ACACA: variants seen among roughly 807,000 people sequenced by gnomAD.
ACACA encodes acetyl-CoA carboxylase alpha.
In ACACA, 103 loss-of-function variants were observed where a neutral mutation model predicts 296.1. That is an observed-to-expected ratio of 0.35 (90% confidence interval 0.30 to 0.41). The LOEUF is 0.41. Ranked by LOEUF, ACACA falls within the 10% of genes least tolerant of loss-of-function variation. The pLI is 1.00. For missense variants in ACACA, 1,554 were observed against 2,989.7 expected, an observed-to-expected ratio of 0.52 and a Z score of 11.20; for synonymous variants, 953 against 1,038.6, an observed-to-expected ratio of 0.92 and a Z score of 1.58.
chr17:37,315,448 A>G (rs2047045085), intron 3 of ACACA, among the ~76,000 whole-genome samples: 1 of 152,150 alleles, frequency 6.6e-6, no homozygotes. Context: ...TTGAATTCTT[A>G]TATTAATTAC....
chr17:37,262,518 C>T (rs2081562545), intron 11 of ACACA, among the ~76,000 whole-genome samples: 2 of 152,110 alleles, frequency 1.3e-5, no homozygotes, highest in South Asian at 2.1e-4. Flanking sequence ...GCCATATAGC[C>T]TCTGTCACAA....
intron 1 of ACACA, among the ~76,000 whole-genome samples, chr17:37,341,252 T>C (rs1448434474): frequency 6.6e-6 from 1 of 152,204 alleles, no homozygotes; most frequent in Non-Finnish European, 1.5e-5. Flanking sequence ...TAGCAAGTTA[T>C]AACCAATATT....
chr17:37,230,113 G>A (rs767717028), intron 25 of ACACA, among the ~76,000 whole-genome samples: 39 of 151,098 alleles, frequency 2.6e-4, no homozygotes, highest in Non-Finnish European at 4.3e-4. Context: ...GGCCGGGTGC[G>A]GTGGCTCACA....
intron 9 of ACACA, among the ~76,000 whole-genome samples, chr17:37,273,618 G>A (rs1297529688): frequency 6.6e-6 from 1 of 152,024 alleles, no homozygotes; most frequent in Non-Finnish European, 1.5e-5. Context: ...GCTGAATTAA[G>A]CTCTCTCTCT....
At chr17:37,207,506 C>A in intron 31 of ACACA, 151 bp downstream of exon 31, 1 of 877,620 alleles carries the variant, frequency 1.1e-6, no homozygotes, top group Admixed American at 2.1e-5. Flanking sequence ...AGGATATATA[C>A]CTCTCCAACG....
chr17:37,270,390 T>C (rs571738106), intron 10 of ACACA, among the ~76,000 whole-genome samples: 1 of 152,256 alleles, frequency 6.6e-6, no homozygotes, highest in South Asian at 2.1e-4. Flanking sequence ...ACCTACAAAG[T>C]CAGCAGAACA....
intron 1 of ACACA, among the ~76,000 whole-genome samples, chr17:37,368,957 C>A (rs1021444581): frequency 6.6e-6 from 1 of 152,206 alleles, no homozygotes; most frequent in Non-Finnish European, 1.5e-5. Context: ...CCAGCGTCTA[C>A]TTCTGGATTT....
At chr17:37,329,959 C>CA (rs112617527) in intron 3 of ACACA, among the ~76,000 whole-genome samples, 2 of 151,458 alleles carry the variant, frequency 1.3e-5, no homozygotes, top group East Asian at 1.9e-4. Context: ...AAAACAAAAA[C>CA]AAAAAAAACC....
intron 20 of ACACA, 64 bp downstream of exon 20, chr17:37,245,016 C>T: frequency 1.9e-6 from 3 of 1,608,842 alleles, no homozygotes; most frequent in South Asian, 2.2e-5. Flanking sequence ...AAATCACTTG[C>T]CTCTCCAAAC....
intron 33 of ACACA, 100 bp from the exon 34 acceptor site, chr17:37,200,583 TC>T (rs1479322691): frequency 1.8e-6 from 2 of 1,090,280 alleles, no homozygotes; most frequent in African/African-American, 3.1e-5. Context: ...GAGTTAAACA[TC>T]CTTTTTGGAT....
At chr17:37,391,128 C>T (rs2050865066) in intron 1 of ACACA, among the ~76,000 whole-genome samples, 1 of 152,146 alleles carries the variant, frequency 6.6e-6, no homozygotes, top group Non-Finnish European at 1.5e-5. Flanking sequence ...ATCCCAGCTA[C>T]TCAGGAGGCT....
chr17:37,297,043 C>T (rs1408845221), intron 3 of ACACA, among the ~76,000 whole-genome samples: 1 of 151,910 alleles, frequency 6.6e-6, no homozygotes, highest in Non-Finnish European at 1.5e-5. Context: ...GGCAAAGACA[C>T]ATTCAGACAC....
chr17:37,130,141 G>C lies in ACACA; in HGVS notation c.5757C>G (p.His1919Gln), dbSNP rs1225096539. ...IQIMHNNGVT[H>Q]CTVCDDFEGV... ...CTTCAAAGTCATCACACACAGTGCA[G>C]TGGGTCACCCCATTGTTGTGCATAA... Residue 1919 changes from histidine to glutamine, a missense_variant, in exon 46 of 56, where the codon CAC becomes CAG. Physicochemically the swap from His to Gln is conservative, Grantham distance 24. Around this residue, in one of 16 missense-constraint regions of ACACA, gnomAD observed 553 missense variants for 1,043.6 expected, o/e 0.53. Coordinates refer to ENST00000616317, the MANE Select transcript of ACACA (RefSeq NM_198834.3). The C allele has an allele frequency of 1.9e-6, 3 of 1,614,088 alleles. No homozygotes were observed. Among genetic ancestry groups the C allele is most frequent in the Non-Finnish European group, 2.5e-6 (3 of 1,180,048 alleles).
At chr17:37,103,984 G>A (rs943543091) in intron 52 of ACACA, among the ~76,000 whole-genome samples, 4 of 152,156 alleles carry the variant, frequency 2.6e-5, no homozygotes, top group South Asian at 2.1e-4. Flanking sequence ...TTCAAGCTGC[G>A]GTGAACTATG....
At position 37,099,545 on chromosome 17, in the gene ACACA, G is replaced by GGGAGGGCTGAGGGAT. The variant is rs1567657087; in HGVS notation, c.6566-1562_6566-1561insATCCCTCAGCCCTCC. ...GGCTGATGGGAGGAGGGCTGATGGC[G>GGGAGGGCTGAGGGAT]GGAGGGCTGATGGCAGGAGGGCTGA... On this transcript the variant is annotated intron_variant, in intron 52 of 55. Coordinates refer to ENST00000616317, the MANE Select transcript of ACACA (RefSeq NM_198834.3). Among the ~76,000 whole-genome samples the GGGAGGGCTGAGGGAT allele has an allele frequency of 1.1e-3, 105 of 97,740 alleles. 5 individuals are homozygous for GGGAGGGCTGAGGGAT. The highest frequency in any genetic ancestry group is 5.3e-3 in the Middle Eastern group (1 of 190). The allele number at this position is 97,740 out of a possible 152,430, so 64.1% of individuals were successfully genotyped here. A position where few individuals can be genotyped will look rare whatever the true frequency, so the allele number is the denominator to read the frequency against.
rs369482938 is a variant in ACACA at position 37,391,237 on chromosome 17, CA to C, written c.38+15024del. ...TCGGTGACAGAGCGAGACTCTGTCTCAAAAAAAAATAGTACTAAGATAGCAA... is the reference window on the plus strand; with the variant it reads ...TCGGTGACAGAGCGAGACTCTGTCTCAAAAAAAATAGTACTAAGATAGCAA... On this transcript the variant is annotated intron_variant, in intron 1 of 55. Transcript: ENST00000616317. Among the ~76,000 whole-genome samples, 496 of 149,678 alleles carry C rather than the reference CA, an allele frequency of 3.3e-3. 3 individuals are homozygous for C. The highest frequency in any genetic ancestry group is 5.2e-3 in the Non-Finnish European group (348 of 67,304).
intron 1 of ACACA, among the ~76,000 whole-genome samples, chr17:37,386,453 G>A (rs922780557): frequency 2.0e-5 from 3 of 152,078 alleles, no homozygotes; most frequent in South Asian, 2.1e-4. Context: ...TTAGCCGGAC[G>A]TGGTGGCAGG....
rs1212599940 is a variant in ACACA, at chr17:37,125,765, A to G, written c.5974T>C (p.Phe1992Leu). 13 of 1,613,972 alleles carry G rather than the reference A, an allele frequency of 8.1e-6. No homozygotes were observed. The highest frequency in any genetic ancestry group is 1.7e-5 in the Admixed American group (1 of 60,000). The change falls in exon 48 of 56, where the codon TTT becomes CTT. Residue 1992 changes from phenylalanine to leucine, a missense_variant. Physicochemically the swap from Phe to Leu is conservative, Grantham distance 22. Transcript: ENST00000616317. ...TQKGQWLSGF[F>L]DYGSFSEIMQ... ...ATCTCTGAGAAAGATCCATAGTCAA[A>G]AAAGCCACTCAACCACTGACCTTTT...
chr17:37,148,559 C>T (rs111664728), intron 45 of ACACA, among the ~76,000 whole-genome samples: 33 of 152,236 alleles, frequency 2.2e-4, no homozygotes, highest in Middle Eastern at 3.4e-3. Flanking sequence ...TAATTCTTAC[C>T]CTTAAACTTG....
Sources: gnomAD v4.1 joint callset for allele counts (sites outside exome capture counted in the v4.1 genomes callset) on GRCh38, gnomAD v4.1.1 for gene constraint, gnomAD v4.1.1 regional missense constraint, MANE v1.5 for transcripts, NCBI Gene and HGNC (gene_info 2026-07-23, HGNC 2026-07-21) for gene names.